The following CCNY variants were observed in gnomAD, a reference collection of about 807,000 sequenced individuals.
The protein encoded by CCNY is cyclin Y.
Under a neutral mutation model 42.8 loss-of-function variants are expected in CCNY, and 19 were observed. That is an observed-to-expected ratio of 0.44 (90% CI 0.31 to 0.65). The LOEUF (loss-of-function observed/expected upper bound fraction) is 0.65, where lower values mean the gene tolerates loss of function less well. Ranked by LOEUF, CCNY falls within the 30% of genes least tolerant of loss-of-function variation. The pLI, the probability that CCNY is intolerant of heterozygous loss-of-function variation, is 0.07. For synonymous variants in CCNY, 165 were observed against 162.7 expected (o/e 1.01, Z -0.11); for missense variants, 370 against 437.3 (o/e 0.85, Z 1.37).
intron 8 of CCNY, among the ~76,000 whole-genome samples, chr10:35,558,605 GAAATT>G (rs1841406470): frequency 6.6e-6 from 1 of 152,156 alleles, no homozygotes; most frequent in African/African-American, 2.4e-5. Flanking sequence ...TTTTAAAGAG[GAAATT>G]AAATTAAAAT....
intron 3 of CCNY, among the ~76,000 whole-genome samples, chr10:35,319,391 A>G (rs1459142100): frequency 6.6e-6 from 1 of 152,156 alleles, no homozygotes; most frequent in Non-Finnish European, 1.5e-5. Flanking sequence ...CAAAACAAAC[A>G]AACAAACAAA....
chr10:35,490,030 C>T (rs546769329), intron 2 of CCNY, among the ~76,000 whole-genome samples: 28 of 152,254 alleles, frequency 1.8e-4, no homozygotes, highest in Non-Finnish European at 2.9e-4. Flanking sequence ...CCTCTGTCGC[C>T]GCAGAGGTCT....
At chr10:35,463,830 C>T (rs1310204074) in intron 1 of CCNY, among the ~76,000 whole-genome samples, 1 of 152,180 alleles carries the variant, frequency 6.6e-6, no homozygotes, top group Non-Finnish European at 1.5e-5. Flanking sequence ...AAAGTAACCA[C>T]TTGTTAACTG....
rs112558495 is a variant in CCNY, at chr10:35,404,950, T to G, written c.154+67743T>G. 5.9e-3 allele frequency among the ~76,000 whole-genome samples: 905 copies of G among 152,188 alleles called. 12 individuals carry two copies. The highest frequency in any genetic ancestry group is 0.02 in the African/African-American group (818 of 41,496). ...AAGTGAAAGCGAAGAGAGGCTGGTATGAAGGGTGCAAAGGAATAGTAAAGA... is the reference window on the plus strand; with the variant it reads ...AAGTGAAAGCGAAGAGAGGCTGGTAGGAAGGGTGCAAAGGAATAGTAAAGA... On this transcript the variant is annotated intron_variant, in intron 1 of 9. Transcript: ENST00000374704.
At chr10:35,459,825 T>TG (rs1260549253) in intron 1 of CCNY, among the ~76,000 whole-genome samples, 1 of 152,172 alleles carries the variant, frequency 6.6e-6, no homozygotes, top group East Asian at 1.9e-4. Context: ...AGCACCTGCT[T>TG]GGGGCTCTCC....
At chr10:35,292,651 C>T (rs1224423893) in intron 3 of CCNY, among the ~76,000 whole-genome samples, 7 of 152,052 alleles carry the variant, frequency 4.6e-5, no homozygotes, top group African/African-American at 1.2e-4. Flanking sequence ...CCTGAGCCAC[C>T]GTGCCCTGCC....
chr10:35,303,199 A>G (rs1471655969), intron 3 of CCNY, among the ~76,000 whole-genome samples: 3 of 151,436 alleles, frequency 2.0e-5, no homozygotes, highest in African/African-American at 7.3e-5. Flanking sequence ...TTTTTTTTTG[A>G]GACTGAGTTT....
intron 1 of CCNY, among the ~76,000 whole-genome samples, chr10:35,468,399 A>G (rs948754375): frequency 1.7e-4 from 26 of 152,336 alleles, no homozygotes; most frequent in Middle Eastern, 6.8e-3. Flanking sequence ...GCATGCATGT[A>G]TAGACGTGTG....
intron 1 of CCNY, among the ~76,000 whole-genome samples, chr10:35,370,311 C>T (rs1407297021): frequency 1.3e-5 from 2 of 152,042 alleles, no homozygotes; most frequent in Non-Finnish European, 2.9e-5. Context: ...GCCACCACGC[C>T]CGGCTAATTT....
Position 35,517,185 on chromosome 10 carries a change from T to C in CCNY, c.365+562T>C, listed in dbSNP as rs116447517. On this transcript the variant is annotated intron_variant, in intron 4 of 9. Coordinates refer to ENST00000374704, the MANE Select transcript of CCNY (RefSeq NM_145012.6). Reference sequence around the variant, plus strand: ...TTTCTGTGGGGCCTTTAATTCCATATTTTTAAATGGAGTTTATAAGGGAGG... The same window carrying C: ...TTTCTGTGGGGCCTTTAATTCCATACTTTTAAATGGAGTTTATAAGGGAGG... Among the ~76,000 whole-genome samples the C allele has an allele frequency of 2.1e-3, 313 of 152,268 alleles. 1 individual carries two copies. Among genetic ancestry groups the C allele is most frequent in the African/African-American group, 7.1e-3 (297 of 41,552 alleles).
At chr10:35,505,851 A>C (rs1840204443) in intron 3 of CCNY, among the ~76,000 whole-genome samples, 1 of 152,174 alleles carries the variant, frequency 6.6e-6, no homozygotes, top group Admixed American at 6.5e-5. Context: ...TTCTGGGAGG[A>C]GTATATTCTG....
intron 7 of CCNY, among the ~76,000 whole-genome samples, chr10:35,534,114 C>A (rs1840828514): frequency 6.6e-6 from 1 of 152,064 alleles, no homozygotes; most frequent in Admixed American, 6.6e-5. Flanking sequence ...CTGCACCTCC[C>A]AGTTTCAAAC....
Position 35,435,851 on chromosome 10 carries a change from G to A in CCNY, c.155-47553G>A, listed in dbSNP as rs138106453. On this transcript the variant is annotated intron_variant, in intron 1 of 9. Coordinates refer to ENST00000374704, the MANE Select transcript of CCNY (RefSeq NM_145012.6). ...GTGAGAATTAAATGGGAGAACATCTGGCACAGATAATGGCTAAGATGTTTA... is the reference window on the plus strand; with the variant it reads ...GTGAGAATTAAATGGGAGAACATCTAGCACAGATAATGGCTAAGATGTTTA... 3.3e-5 allele frequency among the ~76,000 whole-genome samples: 5 copies of A among 152,244 alleles called. No individual in the cohort carries two copies. In the East Asian group the frequency reaches 9.7e-4, roughly 29 times the overall value.
rs529070552 is a variant in CCNY at position 35,366,130 on chromosome 10, G to A, written c.154+28923G>A. ...ATAAATACACGACAGATACCAATTT[G>A]CAAACATACATGCAGTGTGTGCTTC... is the stretch of plus-strand genomic sequence containing the variant. On this transcript the variant is annotated intron_variant, in intron 1 of 9. Transcript: ENST00000374704. Among the ~76,000 whole-genome samples, 3 of 152,332 alleles carry A rather than the reference G, an allele frequency of 2.0e-5. No individual in the cohort carries two copies. In the East Asian group the frequency reaches 5.8e-4, roughly 29 times the overall value.
chr10:35,301,724 G>C (rs1024671750), intron 3 of CCNY, among the ~76,000 whole-genome samples: 2 of 152,064 alleles, frequency 1.3e-5, no homozygotes, highest in Non-Finnish European at 2.9e-5. Context: ...GATCTCCCTG[G>C]GCGCAAGTGA....
intron 1 of CCNY, among the ~76,000 whole-genome samples, chr10:35,352,110 C>T (rs904004783): frequency 2.6e-5 from 4 of 152,138 alleles, no homozygotes; most frequent in Non-Finnish European, 5.9e-5. Context: ...GACGGTGGGT[C>T]ACTGTGTGGG....
chr10:35,317,362 G>C (rs1245045177), intron 3 of CCNY, among the ~76,000 whole-genome samples: 1 of 152,192 alleles, frequency 6.6e-6, no homozygotes, highest in African/African-American at 2.4e-5. Flanking sequence ...GCAGTGAACA[G>C]ATCTAAGTGC....
chr10:35,324,375 A>T (rs1385736880), intron 3 of CCNY, among the ~76,000 whole-genome samples: 2 of 152,246 alleles, frequency 1.3e-5, no homozygotes, highest in Non-Finnish European at 2.9e-5. Context: ...AGCAATGCTA[A>T]TCTGAATACC....
In CCNY at chr10:35,551,674, C is replaced by T. The variant is rs372589427; in HGVS notation, c.580-1345C>T. ...GAAACTAAAAAAGACATTCTTACCTCGTGGCCCAACTTAATGGGCTTTGTA... is the reference window on the plus strand; with the variant it reads ...GAAACTAAAAAAGACATTCTTACCTTGTGGCCCAACTTAATGGGCTTTGTA... On this transcript the variant is annotated intron_variant, in intron 7 of 9. Transcript: ENST00000374704. Among the ~76,000 whole-genome samples, 8 of 152,290 alleles carry T rather than the reference C, an allele frequency of 5.3e-5. No individual in the cohort carries two copies. The South Asian group carries it at 1.7e-3, about 32-fold the overall frequency.
Sources: gnomAD v4.1 joint callset for allele counts (sites outside exome capture counted in the v4.1 genomes callset) on GRCh38, gnomAD v4.1.1 for gene constraint, MANE v1.5 for transcripts, NCBI Gene and HGNC (gene_info 2026-07-23, HGNC 2026-07-21) for gene names.